Variants in NRG1 observed in about 807,000 individuals in gnomAD.
NRG1 encodes neuregulin 1, also known as pro-neuregulin-1, membrane-bound isoform.
Under a neutral mutation model 63.8 loss-of-function variants are expected in NRG1, and 18 were observed. The ratio of observed to expected loss-of-function variants is 0.28; its 90% CI spans 0.19 to 0.42. NRG1 has a LOEUF of 0.42. Among genes scored for constraint, NRG1 ranks in the 10% least tolerant of loss-of-function variants. The pLI is 1.00. For missense variants in NRG1, 762 were observed against 814.7 expected (o/e 0.94, Z 0.79); for synonymous variants, 302 against 301.3 (o/e 1.00, Z -0.02).
At chr8:31,887,566 A>AT (rs1171487485) in intron 1 of NRG1, among the ~76,000 whole-genome samples, 1 of 152,092 alleles carries the variant, frequency 6.6e-6, no homozygotes, top group Non-Finnish European at 1.5e-5. Context: ...TAAGTAGGAG[A>AT]TAAAAGTTTT....
At chr8:32,026,518 C>T (rs1057410232) in intron 1 of NRG1, among the ~76,000 whole-genome samples, 1 of 152,094 alleles carries the variant, frequency 6.6e-6, no homozygotes, top group African/African-American at 2.4e-5. Context: ...CATTTTCTTT[C>T]CTTGAATTTG....
At chr8:32,496,550 A>G (rs1002734922) in intron 1 of NRG1, among the ~76,000 whole-genome samples, 4 of 152,088 alleles carry the variant, frequency 2.6e-5, no homozygotes, top group African/African-American at 4.8e-5. Flanking sequence ...TGATTGAGCC[A>G]CTGCACTCCA....
chr8:32,337,678 A>AAAAAAAAAAAAAAT (rs1803478125), intron 1 of NRG1, among the ~76,000 whole-genome samples: 1 of 111,848 alleles, frequency 8.9e-6, no homozygotes, highest in South Asian at 3.4e-4. Context: ...AAAAAAAAAA[A>AAAAAAAAAAAAAAT]AAAAGCTGAT....
intron 1 of NRG1, among the ~76,000 whole-genome samples, chr8:31,873,989 G>A (rs1463948352): frequency 6.6e-6 from 1 of 152,132 alleles, no homozygotes; most frequent in African/African-American, 2.4e-5. Context: ...CAATGAAAAT[G>A]TGATTTTCTG....
chr8:31,723,345 C>T (rs1813109189), intron 1 of NRG1, among the ~76,000 whole-genome samples: 1 of 152,084 alleles, frequency 6.6e-6, no homozygotes, highest in Non-Finnish European at 1.5e-5. Context: ...GTGAGAAAAT[C>T]CTTGTGTACC....
At chr8:32,679,493 G>A (rs10105300) in intron 5 of NRG1, among the ~76,000 whole-genome samples, 13,353 of 152,040 alleles carry the variant, frequency 0.088, 623 homozygotes, top group African/African-American at 0.096. Flanking sequence ...TAAGCATTTA[G>A]CTCTCTCAAA....
intron 5 of NRG1, among the ~76,000 whole-genome samples, chr8:32,630,721 G>GA (rs564870718): frequency 6.4e-4 from 94 of 146,802 alleles, no homozygotes; most frequent in African/African-American, 2.3e-3. Flanking sequence ...TATTTTGTCA[G>GA]ATTTTAGGTT....
chr8:32,732,849 C>T (rs1197779632), intron 6 of NRG1, among the ~76,000 whole-genome samples: 1 of 131,146 alleles, frequency 7.6e-6, no homozygotes, highest in Non-Finnish European at 1.5e-5. Context: ...CTCTTGTTGC[C>T]CAGGCTGGAG....
At chr8:32,500,495 T>A (rs552102950) in intron 1 of NRG1, among the ~76,000 whole-genome samples, 1 of 152,152 alleles carries the variant, frequency 6.6e-6, no homozygotes, top group Non-Finnish European at 1.5e-5. Context: ...TTAAAACTAT[T>A]GGGTTATATG....
intron 1 of NRG1, among the ~76,000 whole-genome samples, chr8:32,424,243 A>G (rs1438929670): frequency 2.0e-5 from 3 of 151,932 alleles, no homozygotes; most frequent in Non-Finnish European, 4.4e-5. Context: ...CCATTTCTTG[A>G]CTTGTGGCAT....
intron 1 of NRG1, among the ~76,000 whole-genome samples, chr8:32,582,004 G>A (rs1262822080): frequency 6.6e-6 from 1 of 151,624 alleles, no homozygotes; most frequent in African/African-American, 2.4e-5. Flanking sequence ...GTGAGCCCAG[G>A]GTAGGTCACT....
chr8:32,483,988 A>G lies in NRG1; in HGVS notation c.38-111840A>G, dbSNP rs2129493648. ...CGTGGTGTCAGGCGCCTGCAGTCCC[A>G]GCTACTAGGGAGGCTGAGGCAGAAG... On this transcript the variant is annotated intron_variant, in intron 1 of 10. Coordinates refer to the NRG1 transcript ENST00000519301. 2.0e-5 allele frequency among the ~76,000 whole-genome samples: 3 copies of G among 152,232 alleles called. No homozygotes were observed. In the East Asian group the frequency reaches 5.8e-4, roughly 29 times the overall value.
At chr8:31,947,724 G>A (rs917106382) in intron 1 of NRG1, among the ~76,000 whole-genome samples, 17 of 151,766 alleles carry the variant, frequency 1.1e-4, no homozygotes, top group Admixed American at 2.6e-4. Flanking sequence ...CAGGTGGATC[G>A]TCTGAGCTCA....
In NRG1 at chr8:31,640,015, G is replaced by GGGCGTCCCGGCCCCCGGGCCC; in HGVS notation, c.37+585_37+605dup. On this transcript the variant is annotated intron_variant, in intron 1 of 10. Transcript: ENST00000519301. The surrounding 1 kb of genome is among the most constrained non-coding windows in gnomAD (Gnocchi z 6.3). ...ATGGCGACGCGCCCCGCGCCGCTCC[G>GGGCGTCCCGGCCCCCGGGCCC]GGCGTCCCGGCCCCCGGGCCCAGCG... 1.8e-6 allele frequency: 2 copies of GGGCGTCCCGGCCCCCGGGCCC among 1,133,110 alleles called. No homozygotes were observed. Among genetic ancestry groups the GGGCGTCCCGGCCCCCGGGCCC allele is most frequent in the Non-Finnish European group, 2.2e-6 (2 of 926,728 alleles). 70.2% of individuals were successfully genotyped at this position (1,133,110 alleles called of 1,614,324 possible). A position where few individuals can be genotyped will look rare whatever the true frequency, so the allele number is the denominator to read the frequency against.
intron 1 of NRG1, among the ~76,000 whole-genome samples, chr8:31,847,913 A>T (rs2129608621): frequency 6.6e-6 from 1 of 152,344 alleles, no homozygotes; most frequent in African/African-American, 2.4e-5. Context: ...TCCAATAATA[A>T]AGATGTTGGT....
At chr8:31,813,511 C>CTTTTA (rs1467425181) in intron 1 of NRG1, among the ~76,000 whole-genome samples, 1 of 62,342 alleles carries the variant, frequency 1.6e-5, no homozygotes. Context: ...CTTTTCTTTT[C>CTTTTA]TTTTCTTTTT....
At chr8:32,465,339 C>T (rs953727319) in intron 1 of NRG1, among the ~76,000 whole-genome samples, 66 of 152,162 alleles carry the variant, frequency 4.3e-4, no homozygotes, top group African/African-American at 1.5e-3. Flanking sequence ...ATATCATAAA[C>T]GTATATTGCT....
chr8:32,116,153 A>C (rs936620604), intron 1 of NRG1, among the ~76,000 whole-genome samples: 3 of 152,080 alleles, frequency 2.0e-5, no homozygotes, highest in African/African-American at 4.8e-5. Context: ...TTATTCCTCC[A>C]CTTCCTAATT....
intron 1 of NRG1, among the ~76,000 whole-genome samples, chr8:32,319,205 G>T (rs1379239267): frequency 6.6e-6 from 1 of 152,144 alleles, no homozygotes; most frequent in Non-Finnish European, 1.5e-5. Flanking sequence ...CATTTAAATG[G>T]AAAGAAAGGT....
Sources: gnomAD v4.1 joint callset for allele counts (sites outside exome capture counted in the v4.1 genomes callset) on GRCh38, gnomAD v4.1.1 for gene constraint, Gnocchi (gnomAD v3.1) non-coding constraint, MANE v1.5 for transcripts, NCBI Gene and HGNC (gene_info 2026-07-23, HGNC 2026-07-21) for gene names.